Variants in WDR27 observed in about 807,000 individuals in gnomAD.
WDR27 encodes the protein WD repeat-containing protein 27.
In WDR27, 100 loss-of-function variants were observed where a neutral mutation model predicts 114.4. That is an observed-to-expected ratio of 0.87 (90% CI 0.74 to 1.03). The LOEUF (loss-of-function observed/expected upper bound fraction) is 1.03. Among genes scored for constraint, WDR27 ranks in the 50% least tolerant of loss-of-function variants. The pLI is 0.00. For missense variants in WDR27, 1,129 were observed against 1,092.9 expected (o/e 1.03, Z -0.47); for synonymous variants, 449 against 423.1 (o/e 1.06, Z -0.75).
At chr6:169,551,366 A>G (rs150628397) in intron 25 of WDR27, among the ~76,000 whole-genome samples, 167 of 152,240 alleles carry the variant, frequency 1.1e-3, no homozygotes, top group African/African-American at 3.6e-3. Flanking sequence ...AGAACTTACC[A>G]CTATCTCTCC....
At chr6:169,665,398 C>T (rs1212080644) in intron 7 of WDR27, 88 bp downstream of exon 7, 2 of 1,509,162 alleles carry the variant, frequency 1.3e-6, no homozygotes, top group Non-Finnish European at 1.8e-6. Context: ...CAGGAAAATA[C>T]AAAGTAGCAT....
intron 2 of WDR27, among the ~76,000 whole-genome samples, chr6:169,685,142 T>C (rs1459211560): frequency 1.3e-5 from 2 of 151,910 alleles, no homozygotes; most frequent in African/African-American, 4.8e-5. Context: ...CCCACTAAAC[T>C]GACACCCCAG....
chr6:169,462,636 C>G (rs757582320), intron 25 of WDR27, among the ~76,000 whole-genome samples: 1 of 152,102 alleles, frequency 6.6e-6, no homozygotes, highest in Non-Finnish European at 1.5e-5. Context: ...CTATCTCATT[C>G]CCCCAATACC....
intron 13 of WDR27, among the ~76,000 whole-genome samples, chr6:169,652,787 T>C (rs1353391553): frequency 6.6e-6 from 1 of 152,270 alleles, no homozygotes; most frequent in Non-Finnish European, 1.5e-5. Context: ...GTATTAAAAC[T>C]ATTTATATAA....
chr6:169,624,248 G>A (rs997787278), intron 21 of WDR27, among the ~76,000 whole-genome samples: 28 of 151,972 alleles, frequency 1.8e-4, no homozygotes, highest in Non-Finnish European at 2.8e-4. Context: ...CATGTGGGGC[G>A]TCAGGTGCGC....
At chr6:169,552,885 G>A (rs1798337824) in intron 25 of WDR27, among the ~76,000 whole-genome samples, 3 of 152,188 alleles carry the variant, frequency 2.0e-5, no homozygotes, top group Non-Finnish European at 1.5e-5. Context: ...GCATGAACTT[G>A]AGAGTTCCGC....
At chr6:169,437,762 GAAC>G in the WDR27 span, among the ~76,000 whole-genome samples, 6 of 151,964 alleles carry the variant, frequency 3.9e-5, no homozygotes, top group East Asian at 1.9e-4. Context: ...AATTTTTATA[GAAC>G]AACACTCTCC....
At chr6:169,561,592 A>T (rs763807972) in intron 25 of WDR27, among the ~76,000 whole-genome samples, 2 of 152,172 alleles carry the variant, frequency 1.3e-5, no homozygotes, top group Non-Finnish European at 2.9e-5. Context: ...AAAAAAAAAG[A>T]TGATAAATGG....
chr6:169,636,534 T>C, intron 18 of WDR27, 30 bp from the exon 19 acceptor site: 33 of 1,570,756 alleles, frequency 2.1e-5, no homozygotes, highest in Non-Finnish European at 2.8e-5. Context: ...TTACTGTCAA[T>C]ATAATAAATG....
At chr6:169,454,107 G>A (rs1257786099), downstream of WDR27, among the ~76,000 whole-genome samples, 4 of 152,192 alleles carry the variant, frequency 2.6e-5, no homozygotes, top group Admixed American at 6.5e-5. Flanking sequence ...CTGAATCAAA[G>A]TTGGCACTAA....
chr6:169,626,552 G>A (rs531868348), intron 21 of WDR27, among the ~76,000 whole-genome samples: 51 of 152,272 alleles, frequency 3.3e-4, no homozygotes, highest in African/African-American at 1.0e-3. Flanking sequence ...CCCTGACCCC[G>A]CCTTGTTCAG....
At chr6:169,441,375 G>A in the WDR27 span, among the ~76,000 whole-genome samples, 113 of 152,276 alleles carry the variant, frequency 7.4e-4, no homozygotes, top group Middle Eastern at 3.4e-3. Context: ...GGGGAAATGT[G>A]AGAATTAATG....
chr6:169,662,035 T>C (rs1241684187), intron 9 of WDR27, among the ~76,000 whole-genome samples: 1 of 152,220 alleles, frequency 6.6e-6, no homozygotes, highest in East Asian at 1.9e-4. Flanking sequence ...AAAGAAAAAG[T>C]TGTATCACAG....
intron 12 of WDR27, among the ~76,000 whole-genome samples, chr6:169,658,615 G>A (rs993180696): frequency 2.0e-5 from 3 of 151,436 alleles, no homozygotes; most frequent in Admixed American, 1.3e-4. Flanking sequence ...CAACTATTTC[G>A]TTTTCAACAA....
At position 169,647,797 on chromosome 6, in the gene WDR27, G is replaced by A. The variant is rs770252732; in HGVS notation, c.1633C>T (p.Arg545Cys). ...CCTGAGTACTGGATGCAGCATACAC[G>A]TGTGCAGGTGGGGGCGGCAGCGACC... is the stretch of plus-strand genomic sequence containing the variant. ...PQVAAAPTCT[R>C]VCCIQYSGDG... The change falls in exon 16 of 26, where the codon CGT becomes TGT. Residue 545 changes from arginine (R) to cysteine (C), a missense_variant. By Grantham distance (180) the Arg-to-Cys change is radical (BLOSUM62 -3). Coordinates refer to ENST00000448612, the MANE Select transcript of WDR27 (RefSeq NM_182552.5). 2.0e-5 allele frequency: 32 copies of A among 1,584,228 alleles called. No individual in the cohort carries two copies. The African/African-American group carries it at 3.2e-4, about 16-fold the overall frequency.
intron 25 of WDR27, among the ~76,000 whole-genome samples, chr6:169,549,600 T>C (rs1797848998): frequency 6.6e-6 from 1 of 152,198 alleles, no homozygotes; most frequent in African/African-American, 2.4e-5. Context: ...TATTCATAAT[T>C]GCAAAATATG....
rs760953461 is a variant in WDR27, at chr6:169,634,534, G to T, written c.2004-9C>A. The T allele has an allele frequency of 3.8e-6, 6 of 1,591,956 alleles. No homozygotes were observed. Among genetic ancestry groups the T allele is most frequent in the Non-Finnish European group, 5.1e-6 (6 of 1,166,098 alleles). ...TGCTCTTCTGTTTATATCTGGAAGAGAAAATCAAGATGATCAATATTTTTG... is the reference window on the plus strand; with the variant it reads ...TGCTCTTCTGTTTATATCTGGAAGATAAAATCAAGATGATCAATATTTTTG... On this transcript the variant is annotated splice_polypyrimidine_tract_variant and intron_variant, in intron 19 of 25. Transcript: ENST00000448612.
chr6:169,549,521 G>T (rs543028317), intron 25 of WDR27, among the ~76,000 whole-genome samples: 1 of 152,166 alleles, frequency 6.6e-6, no homozygotes, highest in African/African-American at 2.4e-5. Context: ...TGTACTCCTT[G>T]GTATTTACCA....
At chr6:169,647,564 G>A (rs1318340994) in intron 16 of WDR27, 2 of 639,188 alleles carry the variant, frequency 3.1e-6, no homozygotes, top group East Asian at 2.8e-5. Context: ...CCACGCAGGG[G>A]TGAGATGCCT....
Sources: allele counts gnomAD v4.1 joint callset (sites outside exome capture counted in the v4.1 genomes callset), GRCh38; gene constraint gnomAD v4.1.1; transcripts MANE v1.5; gene names NCBI Gene and HGNC (gene_info 2026-07-23, HGNC 2026-07-21).